The following MAGI3 variants were observed in gnomAD, a reference collection of about 807,000 sequenced individuals.
MAGI3 encodes membrane associated guanylate kinase, WW and PDZ domain containing 3.
Under a neutral mutation model 121.8 loss-of-function variants are expected in MAGI3, and 43 were observed. The observed-to-expected ratio is 0.35, with a 90% CI of 0.28 to 0.46. The LOEUF is 0.46. Ranked by LOEUF, MAGI3 falls within the 20% of genes least tolerant of loss-of-function variation. The pLI, the probability that MAGI3 is intolerant of heterozygous loss-of-function variation, is 1.00. For synonymous variants in MAGI3, 553 were observed against 639.3 expected (o/e 0.86, Z 2.04); for missense variants, 1,547 against 1,797.3 (o/e 0.86, Z 2.52).
chr1:113,436,831 TGAGAC>T (rs1653589604), intron 1 of MAGI3, among the ~76,000 whole-genome samples: 1 of 149,734 alleles, frequency 6.7e-6, no homozygotes, highest in Non-Finnish European at 1.5e-5. Flanking sequence ...TTTTTTTTTT[TGAGAC>T]GGAGTCTCAC....
intron 9 of MAGI3, among the ~76,000 whole-genome samples, chr1:113,631,139 G>C (rs1651605515): frequency 6.6e-6 from 1 of 152,186 alleles, no homozygotes; most frequent in African/African-American, 2.4e-5. Context: ...GACAATCGCT[G>C]TGCTCACCCT....
intron 1 of MAGI3, among the ~76,000 whole-genome samples, chr1:113,462,687 C>G (rs1369499565): frequency 6.6e-6 from 1 of 152,102 alleles, no homozygotes; most frequent in Non-Finnish European, 1.5e-5. Flanking sequence ...ACCTTCACTT[C>G]TACCCCCAAA....
At chr1:113,587,671 C>T (rs1053573838) in intron 4 of MAGI3, among the ~76,000 whole-genome samples, 14 of 152,170 alleles carry the variant, frequency 9.2e-5, no homozygotes, top group South Asian at 2.1e-4. Context: ...ACATATGTTA[C>T]GTAATAATTA....
intron 1 of MAGI3, among the ~76,000 whole-genome samples, chr1:113,435,242 G>A (rs1294014990): frequency 6.6e-6 from 1 of 152,168 alleles, no homozygotes; most frequent in African/African-American, 2.4e-5. Context: ...ATAAGCGTTC[G>A]TTTGTAGTAA....
At chr1:113,404,420 T>C (rs940199322) in intron 1 of MAGI3, 1 of 152,210 alleles carries the variant, frequency 6.6e-6, no homozygotes, top group Non-Finnish European at 1.5e-5. Context: ...TTAAGTTGCA[T>C]AATAATTTAA....
intron 6 of MAGI3, among the ~76,000 whole-genome samples, chr1:113,605,902 T>C (rs1649738557): frequency 6.7e-6 from 1 of 150,332 alleles, no homozygotes; most frequent in African/African-American, 2.4e-5. Context: ...CCAGCCAGAT[T>C]TTTTTTTTAC....
At chr1:113,677,072 A>G (rs1408393981) in intron 19 of MAGI3, among the ~76,000 whole-genome samples, 1 of 152,212 alleles carries the variant, frequency 6.6e-6, no homozygotes, top group Non-Finnish European at 1.5e-5. Flanking sequence ...AATTTGTAAC[A>G]TAGATGGAAG....
intron 2 of MAGI3, among the ~76,000 whole-genome samples, chr1:113,579,977 G>A (rs1339393142): frequency 1.3e-5 from 2 of 152,054 alleles, no homozygotes; most frequent in Non-Finnish European, 2.9e-5. Context: ...TCAGTCAAAT[G>A]TAGCAATGCT....
chr1:113,602,674 A>G (rs958196361), intron 6 of MAGI3, among the ~76,000 whole-genome samples: 8 of 152,272 alleles, frequency 5.3e-5, no homozygotes, highest in Middle Eastern at 3.4e-3. Context: ...GCTCATGCCT[A>G]TAAGCCCAGC....
intron 9 of MAGI3, among the ~76,000 whole-genome samples, chr1:113,640,668 T>G (rs552169953): frequency 3.3e-5 from 5 of 151,694 alleles, no homozygotes; most frequent in African/African-American, 1.2e-4. Context: ...AAGTGGGAGT[T>G]GAACAATGAG....
intron 16 of MAGI3, among the ~76,000 whole-genome samples, chr1:113,667,749 C>A (rs759184106): frequency 6.6e-6 from 1 of 152,158 alleles, no homozygotes; most frequent in Non-Finnish European, 1.5e-5. Context: ...TCAAGTCTAG[C>A]TTTTGACGTA....
intron 1 of MAGI3, among the ~76,000 whole-genome samples, chr1:113,464,498 A>G (rs1251491054): frequency 6.6e-6 from 1 of 152,076 alleles, no homozygotes; most frequent in Non-Finnish European, 1.5e-5. Context: ...GTTTACTTTC[A>G]TTTGGATATA....
intron 12 of MAGI3, among the ~76,000 whole-genome samples, 164 bp downstream of exon 12, chr1:113,646,806 A>G (rs1570994686): frequency 6.6e-6 from 1 of 152,330 alleles, no homozygotes; most frequent in East Asian, 1.9e-4. Context: ...ACATTCACAC[A>G]TTCATTTTTT....
chr1:113,430,690 AGAAGT>A (rs1653258247), intron 1 of MAGI3, among the ~76,000 whole-genome samples: 2 of 152,340 alleles, frequency 1.3e-5, no homozygotes, highest in East Asian at 3.9e-4. Flanking sequence ...TTGTTCTAAT[AGAAGT>A]ATCTCTACAT....
chr1:113,475,534 T>A (rs1303456299), intron 1 of MAGI3, among the ~76,000 whole-genome samples: 6 of 152,204 alleles, frequency 3.9e-5, no homozygotes, highest in African/African-American at 1.4e-4. Flanking sequence ...TGGATTACAT[T>A]TATTGATTTG....
intron 15 of MAGI3, 34 bp from the exon 16 acceptor site, chr1:113,659,046 A>G (rs942750351): frequency 1.2e-5 from 18 of 1,520,066 alleles, no homozygotes; most frequent in East Asian, 6.8e-5. Context: ...GAAATCTTAA[A>G]TAATTGAAAA....
chr1:113,647,976 G>T (rs1050087358), intron 12 of MAGI3, among the ~76,000 whole-genome samples: 1 of 151,000 alleles, frequency 6.6e-6, no homozygotes, highest in Non-Finnish European at 1.5e-5. Flanking sequence ...GAGCTGGAGT[G>T]CAGTGGCACA....
At chr1:113,435,598 TG>T (rs1653527513) in intron 1 of MAGI3, among the ~76,000 whole-genome samples, 1 of 152,180 alleles carries the variant, frequency 6.6e-6, no homozygotes, top group Non-Finnish European at 1.5e-5. Context: ...GATTCATTCT[TG>T]GTTCAGCCAG....
At chr1:113,465,038 G>C (rs1298647877) in intron 1 of MAGI3, among the ~76,000 whole-genome samples, 1 of 152,094 alleles carries the variant, frequency 6.6e-6, no homozygotes, top group Non-Finnish European at 1.5e-5. Flanking sequence ...GTGGCCTTGT[G>C]CTTTCGACAT....
Sources: allele counts gnomAD v4.1 joint callset (sites outside exome capture counted in the v4.1 genomes callset), GRCh38; gene constraint gnomAD v4.1.1; transcripts MANE v1.5; gene names NCBI Gene and HGNC (gene_info 2026-07-23, HGNC 2026-07-21).